CACNA2D1: variants seen among roughly 807,000 people sequenced by gnomAD.
CACNA2D1 encodes the protein voltage-dependent calcium channel subunit alpha-2/delta-1.
Under a neutral mutation model 171.5 loss-of-function variants are expected in CACNA2D1, and 53 were observed. That is an observed-to-expected ratio of 0.31 (90% CI 0.25 to 0.39). CACNA2D1 has a LOEUF of 0.39. CACNA2D1 is among the 10% of genes least tolerant of loss of function. CACNA2D1 has a pLI of 1.00. For synonymous variants in CACNA2D1, 442 were observed against 443.1 expected (o/e 1.00, Z 0.03); for missense variants, 903 against 1,299.8 (o/e 0.69, Z 4.69).
At chr7:82,272,070 A>C (rs1808707588) in intron 3 of CACNA2D1, among the ~76,000 whole-genome samples, 1 of 152,200 alleles carries the variant, frequency 6.6e-6, no homozygotes, top group African/African-American at 2.4e-5. Flanking sequence ...CAGAAACCCA[A>C]AATGAGTAAT....
chr7:82,241,820 A>C (rs1804333740), intron 3 of CACNA2D1, among the ~76,000 whole-genome samples: 1 of 152,168 alleles, frequency 6.6e-6, no homozygotes, highest in Non-Finnish European at 1.5e-5. Context: ...TATAATGGCA[A>C]GGTAAGAGCA....
chr7:82,116,528 T>C (rs1457876251), intron 6 of CACNA2D1, among the ~76,000 whole-genome samples: 1 of 151,988 alleles, frequency 6.6e-6, no homozygotes, highest in African/African-American at 2.4e-5. Context: ...CACAATACAT[T>C]GAGAGGAAGG....
chr7:82,367,477 T>G (rs1821873552), intron 1 of CACNA2D1, among the ~76,000 whole-genome samples: 1 of 152,104 alleles, frequency 6.6e-6, no homozygotes, highest in Admixed American at 6.6e-5. Flanking sequence ...AATTCATCAC[T>G]TTTCCCTGCT....
chr7:82,242,393 C>A (rs1399149290), intron 3 of CACNA2D1, among the ~76,000 whole-genome samples: 1 of 152,054 alleles, frequency 6.6e-6, no homozygotes, highest in Non-Finnish European at 1.5e-5. Flanking sequence ...TATGGAGCAG[C>A]CACAGCAGTT....
intron 3 of CACNA2D1, among the ~76,000 whole-genome samples, chr7:82,227,652 A>G (rs1802497288): frequency 6.6e-6 from 1 of 152,196 alleles, no homozygotes; most frequent in African/African-American, 2.4e-5. Context: ...TCTAGACTTG[A>G]TTAAACTGAC....
At chr7:81,953,303 C>T (rs1279320865) in intron 38 of CACNA2D1, among the ~76,000 whole-genome samples, 1 of 152,056 alleles carries the variant, frequency 6.6e-6, no homozygotes, top group African/African-American at 2.4e-5. Context: ...CTTGACATTT[C>T]TCATCATTCT....
At chr7:81,983,713 G>C (rs1796667874) in intron 22 of CACNA2D1, among the ~76,000 whole-genome samples, 1 of 152,132 alleles carries the variant, frequency 6.6e-6, no homozygotes, top group Admixed American at 6.6e-5. Flanking sequence ...ATTGCTGGTT[G>C]TGAAAAGACC....
intron 2 of CACNA2D1, among the ~76,000 whole-genome samples, chr7:82,336,477 C>T (rs981011330): frequency 6.6e-6 from 1 of 152,082 alleles, no homozygotes; most frequent in African/African-American, 2.4e-5. Context: ...GACTTATTCA[C>T]ACTATGAGAT....
At chr7:82,059,485 G>C (rs1806339254) in intron 10 of CACNA2D1, among the ~76,000 whole-genome samples, 1 of 151,270 alleles carries the variant, frequency 6.6e-6, no homozygotes. Flanking sequence ...GGATGATAAT[G>C]AATAGAAAAT....
chr7:81,983,614 T>G (rs1228172621), intron 22 of CACNA2D1, among the ~76,000 whole-genome samples: 1 of 152,156 alleles, frequency 6.6e-6, no homozygotes, highest in Non-Finnish European at 1.5e-5. Flanking sequence ...GTAATACCAA[T>G]GACGTCAGGC....
At chr7:82,218,586 T>C (rs1407289479) in intron 3 of CACNA2D1, among the ~76,000 whole-genome samples, 1 of 152,224 alleles carries the variant, frequency 6.6e-6, no homozygotes, top group Non-Finnish European at 1.5e-5. Context: ...TTTAAAGTTA[T>C]AAATTGATTA....
chr7:82,204,275 C>G (rs141018102), intron 3 of CACNA2D1, among the ~76,000 whole-genome samples: 5 of 152,118 alleles, frequency 3.3e-5, no homozygotes, highest in African/African-American at 1.2e-4. Flanking sequence ...TAACCTGCAC[C>G]GACAGCTGGG....
intron 1 of CACNA2D1, among the ~76,000 whole-genome samples, chr7:82,369,799 C>G (rs1427906571): frequency 2.0e-5 from 3 of 152,018 alleles, no homozygotes; most frequent in Non-Finnish European, 4.4e-5. Flanking sequence ...TTCTCTGAGT[C>G]TGCTTTTATA....
chr7:82,443,895 G>A (rs1830699738), upstream of CACNA2D1: 2 of 387,070 alleles, frequency 5.2e-6, no homozygotes, highest in African/African-American at 2.1e-5. Context: ...GCAGGAATCG[G>A]GGAATGGCAG....
chr7:82,102,889 G>A (rs1424132687), intron 6 of CACNA2D1, among the ~76,000 whole-genome samples: 1 of 152,154 alleles, frequency 6.6e-6, no homozygotes, highest in Non-Finnish European at 1.5e-5. Context: ...TATCTACTAA[G>A]CCTTGTCACA....
intron 6 of CACNA2D1, among the ~76,000 whole-genome samples, chr7:82,092,872 G>C (rs570744341): frequency 2.0e-4 from 30 of 151,928 alleles, no homozygotes; most frequent in Non-Finnish European, 3.4e-4. Flanking sequence ...CTTAAAAAGA[G>C]AAATAAAATG....
At chr7:82,356,886 G>GAAA (rs970503004) in intron 1 of CACNA2D1, among the ~76,000 whole-genome samples, 2 of 152,030 alleles carry the variant, frequency 1.3e-5, no homozygotes, top group Admixed American at 6.6e-5. Flanking sequence ...AATTGTCATA[G>GAAA]AAAAAAAGTC....
At chr7:82,335,390 G>C in intron 2 of CACNA2D1, 139 bp from the exon 3 acceptor site, 2 of 663,006 alleles carry the variant, frequency 3.0e-6, no homozygotes, top group Non-Finnish European at 2.7e-6. Flanking sequence ...TTTGGAGTTT[G>C]AGTGTGTCAG....
intron 38 of CACNA2D1, among the ~76,000 whole-genome samples, chr7:81,956,882 C>T (rs905480709): frequency 1.8e-4 from 27 of 152,190 alleles, no homozygotes; most frequent in Middle Eastern, 3.4e-3. Context: ...AGACCCAAAA[C>T]ATCTCTTTAG....
Sources: gnomAD v4.1 joint callset for allele counts (sites outside exome capture counted in the v4.1 genomes callset) on GRCh38, gnomAD v4.1.1 for gene constraint, MANE v1.5 for transcripts, NCBI Gene and HGNC (gene_info 2026-07-23, HGNC 2026-07-21) for gene names.